Variants in CLNK observed in about 807,000 individuals in gnomAD.
CLNK encodes the protein cytokine-dependent hematopoietic cell linker.
CLNK carries 74 observed loss-of-function variants against 68.6 expected under a neutral mutation model. That is an observed-to-expected ratio of 1.08 (90% CI 0.89 to 1.31). The LOEUF (loss-of-function observed/expected upper bound fraction) is 1.31. CLNK is among the 50% of genes most tolerant of loss of function. CLNK has a pLI of 0.00. For missense variants in CLNK, 553 were observed against 515.3 expected (o/e 1.07, Z -0.71); for synonymous variants, 198 against 172.2 (o/e 1.15, Z -1.17).
intron 3 of CLNK, among the ~76,000 whole-genome samples, chr4:10,585,352 T>A (rs1277967220): frequency 1.3e-5 from 2 of 152,260 alleles, no homozygotes; most frequent in Non-Finnish European, 2.9e-5. Context: ...CATCATGAAC[T>A]ATAAACAGAT....
chr4:10,615,344 G>A (rs2108856915), intron 2 of CLNK, among the ~76,000 whole-genome samples: 1 of 152,292 alleles, frequency 6.6e-6, no homozygotes, highest in African/African-American at 2.4e-5. Flanking sequence ...AGCCAGGCAT[G>A]GTGGCACATG....
At chr4:10,522,706 A>G (rs147088368) in intron 14 of CLNK, among the ~76,000 whole-genome samples, 1 of 152,376 alleles carries the variant, frequency 6.6e-6, no homozygotes, top group African/African-American at 2.4e-5. Flanking sequence ...CTCTGCCTGA[A>G]TGAAGCTTAG....
chr4:10,569,188 C>CTTTT (rs57423330), intron 5 of CLNK, among the ~76,000 whole-genome samples: 6 of 124,416 alleles, frequency 4.8e-5, no homozygotes, highest in Admixed American at 1.7e-4. Flanking sequence ...CAAGACTGCC[C>CTTTT]TTTTTTTTTT....
chr4:10,725,759 G>A, the CLNK span, among the ~76,000 whole-genome samples: 7 of 152,112 alleles, frequency 4.6e-5, no homozygotes, highest in South Asian at 1.5e-3. Flanking sequence ...GGAGGCTGAG[G>A]CAGGAGAATG....
At position 10,571,798 on chromosome 4, in the gene CLNK, G is replaced by T; in HGVS notation, c.113-20C>A. 1 of 1,606,634 alleles carries T rather than the reference G, an allele frequency of 6.2e-7. No individual in the cohort carries two copies. Among genetic ancestry groups the T allele is most frequent in the Non-Finnish European group, 8.5e-7 (1 of 1,173,738 alleles). ...ACTGGCCTGCCAACACAAACAGACC[G>T]AGTGTTATTTTAATCACTGTGGTAG... On this transcript the variant is annotated intron_variant, in intron 4 of 18. Transcript: ENST00000226951.
At chr4:10,661,391 T>A (rs1042230624) in intron 2 of CLNK, among the ~76,000 whole-genome samples, 3 of 152,234 alleles carry the variant, frequency 2.0e-5, no homozygotes, top group Admixed American at 6.5e-5. Flanking sequence ...ACTCAGGTGA[T>A]GTATCCGTGA....
At chr4:10,649,836 A>T (rs1723658234) in intron 2 of CLNK, among the ~76,000 whole-genome samples, 1 of 152,078 alleles carries the variant, frequency 6.6e-6, no homozygotes, top group African/African-American at 2.4e-5. Flanking sequence ...GCCTCAAAGA[A>T]TTCCCATGGG....
rs1478030694 is a variant in CLNK, at chr4:10,508,083, A to G, written c.907-47T>C. 4 of 1,407,704 alleles carry G rather than the reference A, an allele frequency of 2.8e-6. No individual in the cohort carries two copies. The Admixed American group carries it at 6.0e-5, about 21-fold the overall frequency. 87.2% of individuals were successfully genotyped at this position (1,407,704 alleles called of 1,614,324 possible). A position where few individuals can be genotyped will look rare whatever the true frequency, so the allele number is the denominator to read the frequency against. On this transcript the variant is annotated intron_variant, in intron 16 of 18. Coordinates refer to ENST00000226951, the MANE Select transcript of CLNK (RefSeq NM_052964.4). ...AAATATTTTAGGGTCAATGGGAAGT[A>G]TGAATTATTGATTAATTAATTCAAA...
At chr4:10,621,969 T>C (rs973561272) in intron 2 of CLNK, among the ~76,000 whole-genome samples, 43 of 152,236 alleles carry the variant, frequency 2.8e-4, no homozygotes, top group African/African-American at 1.7e-4. Context: ...CGTTAAGTGG[T>C]TGTCAAATCA....
At chr4:10,691,333 G>C in the CLNK span, among the ~76,000 whole-genome samples, 7 of 152,078 alleles carry the variant, frequency 4.6e-5, no homozygotes, top group Non-Finnish European at 8.8e-5. Flanking sequence ...GACCCACCTT[G>C]TATCACCCAG....
At chr4:10,535,074 C>T (rs528668038) in intron 11 of CLNK, among the ~76,000 whole-genome samples, 109 of 152,028 alleles carry the variant, frequency 7.2e-4, no homozygotes, top group South Asian at 1.7e-3. Flanking sequence ...ACTGGCTGGC[C>T]GTGTTGCTTC....
the CLNK span, among the ~76,000 whole-genome samples, chr4:10,701,245 A>G: frequency 8.5e-5 from 13 of 152,352 alleles, no homozygotes; most frequent in African/African-American, 2.4e-4. Context: ...GCTTGGTTGC[A>G]TCTATTGCCT....
chr4:10,679,868 C>A (rs1256512893), intron 1 of CLNK, among the ~76,000 whole-genome samples: 1 of 152,116 alleles, frequency 6.6e-6, no homozygotes, highest in Non-Finnish European at 1.5e-5. Flanking sequence ...CAGGAAACAA[C>A]AGGTGCTGGA....
chr4:10,583,700 A>G (rs1720871053), intron 4 of CLNK, among the ~76,000 whole-genome samples: 1 of 151,956 alleles, frequency 6.6e-6, no homozygotes. Context: ...ATATCAATGG[A>G]CTTTTGTGGG....
chr4:10,556,806 G>A (rs942304442), intron 8 of CLNK, among the ~76,000 whole-genome samples: 1 of 152,130 alleles, frequency 6.6e-6, no homozygotes, highest in African/African-American at 2.4e-5. Context: ...GCCGGGTGTG[G>A]TGGCTCACAG....
At chr4:10,675,016 C>T (rs879758071) in intron 1 of CLNK, among the ~76,000 whole-genome samples, 5 of 152,110 alleles carry the variant, frequency 3.3e-5, no homozygotes, top group Admixed American at 3.3e-4. Flanking sequence ...AGGACAAATA[C>T]CTAATTAGGA....
chr4:10,578,412 G>A (rs925007047), intron 4 of CLNK, among the ~76,000 whole-genome samples: 1 of 151,810 alleles, frequency 6.6e-6, no homozygotes, highest in African/African-American at 2.4e-5. Context: ...ACAGAGATTC[G>A]GTGGACACCA....
At chr4:10,566,593 G>C (rs553642732) in intron 5 of CLNK, among the ~76,000 whole-genome samples, 42 of 152,232 alleles carry the variant, frequency 2.8e-4, no homozygotes, top group African/African-American at 9.4e-4. Flanking sequence ...AAGGTGGCAG[G>C]ATACAGGATT....
At chr4:10,524,125 T>C (rs1234905086) in intron 14 of CLNK, among the ~76,000 whole-genome samples, 7 of 141,272 alleles carry the variant, frequency 5.0e-5, no homozygotes, top group African/African-American at 1.6e-4. Context: ...GAGGATGATA[T>C]TGTGGTATGG....
Sources: gnomAD v4.1 joint callset for allele counts (sites outside exome capture counted in the v4.1 genomes callset) on GRCh38, gnomAD v4.1.1 for gene constraint, MANE v1.5 for transcripts, NCBI Gene and HGNC (gene_info 2026-07-23, HGNC 2026-07-21) for gene names.